MAP3K1: variants seen among roughly 807,000 people sequenced by gnomAD.
MAP3K1 encodes MAP/ERK kinase kinase 1.
In MAP3K1, 36 loss-of-function variants were observed where a neutral mutation model predicts 144.2. The ratio of observed to expected loss-of-function variants is 0.25; its 90% CI spans 0.19 to 0.33. The LOEUF (loss-of-function observed/expected upper bound fraction) is 0.33, where lower values mean the gene tolerates loss of function less well. MAP3K1 is among the 10% of genes least tolerant of loss of function. MAP3K1 has a pLI of 1.00. For missense variants in MAP3K1, 1,650 were observed against 1,881.9 expected (o/e 0.88, Z 2.28); for synonymous variants, 718 against 688.7 (o/e 1.04, Z -0.67).
intron 10 of MAP3K1, among the ~76,000 whole-genome samples, chr5:56,875,866 G>A (rs1579771875): frequency 6.6e-6 from 1 of 152,078 alleles, no homozygotes; most frequent in South Asian, 2.1e-4. Context: ...AGTCATCAAC[G>A]TTATTCTGAT....
chr5:56,820,321 T>TC, intron 1 of MAP3K1: 1 of 493,390 alleles, frequency 2.0e-6, no homozygotes, highest in Non-Finnish European at 2.6e-6. Flanking sequence ...GACTCCACAG[T>TC]CCATTTCTTT....
rs940348168 is a variant in MAP3K1 at position 56,872,670 on chromosome 5, C to T, written c.1453C>T (p.Pro485Ser). 3.7e-6 allele frequency: 6 copies of T among 1,608,498 alleles called. No homozygotes were observed. The highest frequency in any genetic ancestry group is 2.2e-5 in the East Asian group (1 of 44,814). Reference sequence around the variant, plus strand: ...AGAAGAGTGTAGAAGAAATAGAGAACCTTTAATATGTCCCCTTTGTAGATC... The same window carrying T: ...AGAAGAGTGTAGAAGAAATAGAGAATCTTTAATATGTCCCCTTTGTAGATC... ...WAEECRRNRE[P>S]LICPLCRSKW... is the part of the protein sequence containing the mutation. Residue 485 changes from proline (P) to serine (S), a missense_variant, in exon 8 of 20, where the codon CCT becomes TCT. Pro to Ser is a moderately conservative substitution (Grantham distance 74, BLOSUM62 -1). This residue lies in a region of MAP3K1 where 125 missense variants were observed against 179.9 expected (regional missense o/e 0.69). Coordinates refer to ENST00000399503, the MANE Select transcript of MAP3K1 (RefSeq NM_005921.2).
intron 2 of MAP3K1, among the ~76,000 whole-genome samples, chr5:56,858,911 A>G (rs1280889670): frequency 1.3e-5 from 2 of 152,022 alleles, no homozygotes; most frequent in Non-Finnish European, 2.9e-5. Flanking sequence ...AAAGCACAGG[A>G]GGAGGAAGGG....
chr5:56,883,898 C>T (rs1469029848), intron 15 of MAP3K1, among the ~76,000 whole-genome samples: 1 of 152,122 alleles, frequency 6.6e-6, no homozygotes, highest in Non-Finnish European at 1.5e-5. Context: ...CCTGTAATCC[C>T]AGCACTTTGG....
At chr5:56,822,789 A>G (rs1453886535) in intron 1 of MAP3K1, among the ~76,000 whole-genome samples, 3 of 152,190 alleles carry the variant, frequency 2.0e-5, no homozygotes. Flanking sequence ...GATGTCTAAA[A>G]CCAAATTAAA....
intron 9 of MAP3K1, 132 bp from the exon 10 acceptor site, chr5:56,874,900 A>G: frequency 1.1e-6 from 1 of 888,158 alleles, no homozygotes; most frequent in Non-Finnish European, 1.9e-6. Flanking sequence ...ATATATTTGA[A>G]GTTGTGAAGG....
In MAP3K1 at chr5:56,851,258, T is replaced by G. The variant is rs190781679; in HGVS notation, c.483-5342T>G. Reference sequence around the variant, plus strand: ...ACCGTGCCCGGCCAGGATTCTATTTTTGAGTGTTTATGAAATGTCCCCTGT... The same window carrying G: ...ACCGTGCCCGGCCAGGATTCTATTTGTGAGTGTTTATGAAATGTCCCCTGT... On this transcript the variant is annotated intron_variant, in intron 1 of 19. Transcript: ENST00000399503. 1.5e-4 allele frequency among the ~76,000 whole-genome samples: 23 copies of G among 152,308 alleles called. No homozygotes were observed. In the East Asian group the frequency reaches 4.3e-3, roughly 28 times the overall value.
At chr5:56,875,408 A>G in intron 10 of MAP3K1, 98 bp downstream of exon 10, 3 of 1,306,324 alleles carry the variant, frequency 2.3e-6, no homozygotes, top group Non-Finnish European at 3.2e-6. Flanking sequence ...TACTTTACCT[A>G]ATTTTGGAAA....
At position 56,882,085 on chromosome 5, in the gene MAP3K1, C is replaced by A. The variant is rs757734103; in HGVS notation, c.2885C>A (p.Pro962His). ...CCAATGGTTCAAACAAAAGGCAGAC[C>A]CCACAGTCAGTGTTTGAACTCCTCT... Reference protein sequence around the residue: ...PKPMVQTKGRPHSQCLNSSPL... With the variant: ...PKPMVQTKGRHHSQCLNSSPL... The change falls in exon 14 of 20, where the codon CCC becomes CAC. Residue 962 changes from proline to histidine, a missense_variant. By Grantham distance (77) the Pro-to-His change is moderately conservative (BLOSUM62 -2). Coordinates refer to ENST00000399503, the MANE Select transcript of MAP3K1 (RefSeq NM_005921.2). 17 of 1,613,874 alleles carry A rather than the reference C, an allele frequency of 1.1e-5. No individual in the cohort carries two copies. In the South Asian group the frequency reaches 1.9e-4, roughly 18 times the overall value.
chr5:56,856,486 T>C, intron 1 of MAP3K1, 114 bp from the exon 2 acceptor site: 1 of 927,780 alleles, frequency 1.1e-6, no homozygotes, highest in Non-Finnish European at 1.7e-6. Flanking sequence ...GCAGTTATCT[T>C]TTTTATTACA....
chr5:56,857,565 TTGTC>T (rs1561183622), intron 2 of MAP3K1, among the ~76,000 whole-genome samples: 1 of 152,166 alleles, frequency 6.6e-6, no homozygotes, highest in African/African-American at 2.4e-5. Context: ...TGCCAAGTGA[TTGTC>T]TGCCCTACAT....
At chr5:56,836,715 G>T (rs1399425310) in intron 1 of MAP3K1, among the ~76,000 whole-genome samples, 2 of 152,102 alleles carry the variant, frequency 1.3e-5, no homozygotes, top group African/African-American at 4.8e-5. Flanking sequence ...GAGAACAGCT[G>T]CTTCAGCCTA....
chr5:56,844,289 C>T (rs1746916894), intron 1 of MAP3K1, among the ~76,000 whole-genome samples: 1 of 143,256 alleles, frequency 7.0e-6, no homozygotes, highest in Admixed American at 7.3e-5. Flanking sequence ...ATGCCATTCT[C>T]CAGCCTCAGC....
At chr5:56,862,941 C>G (rs1747561643) in intron 3 of MAP3K1, among the ~76,000 whole-genome samples, 1 of 152,008 alleles carries the variant, frequency 6.6e-6, no homozygotes, top group Admixed American at 6.5e-5. Context: ...TCTTTATTAC[C>G]CCAATAAGAT....
At chr5:56,885,873 G>T (rs1748362904) in intron 16 of MAP3K1, 59 bp from the exon 17 acceptor site, 2 of 1,495,374 alleles carry the variant, frequency 1.3e-6, no homozygotes, top group South Asian at 2.3e-5. Context: ...AAACCAAAGT[G>T]TAATAAATAC....
intron 1 of MAP3K1, among the ~76,000 whole-genome samples, chr5:56,827,733 G>A (rs1310227228): frequency 2.6e-5 from 4 of 152,072 alleles, no homozygotes; most frequent in Non-Finnish European, 5.9e-5. Flanking sequence ...GCTTGGTGGT[G>A]TGTGCCTGTA....
chr5:56,864,997 A>G, intron 4 of MAP3K1, 63 bp downstream of exon 4: 1 of 1,398,026 alleles, frequency 7.2e-7, no homozygotes. Context: ...TCAAATTTAT[A>G]TACTATAATG....
intron 1 of MAP3K1, among the ~76,000 whole-genome samples, chr5:56,817,986 G>T (rs1376427022): frequency 6.6e-6 from 1 of 152,168 alleles, no homozygotes; most frequent in East Asian, 1.9e-4. Flanking sequence ...TTTGCTTAAG[G>T]TGTAGATTAT....
chr5:56,846,149 A>G (rs1298756095), intron 1 of MAP3K1, among the ~76,000 whole-genome samples: 1 of 152,162 alleles, frequency 6.6e-6, no homozygotes, highest in Non-Finnish European at 1.5e-5. Context: ...TAACGTTTTT[A>G]TATGTTTTCT....
Sources: allele counts gnomAD v4.1 joint callset (sites outside exome capture counted in the v4.1 genomes callset), GRCh38; gene constraint gnomAD v4.1.1; regional missense constraint gnomAD v4.1.1; transcripts MANE v1.5; gene names NCBI Gene and HGNC (gene_info 2026-07-23, HGNC 2026-07-21).